GPR158: variants seen among roughly 807,000 people sequenced by gnomAD.
GPR158 encodes metabotropic glycine receptor.
A neutral mutation model predicts 78.2 loss-of-function variants in GPR158; 30 were observed. That is an observed-to-expected ratio of 0.38 (90% CI 0.29 to 0.52). The LOEUF is 0.52. Ranked by LOEUF, GPR158 falls within the 20% of genes least tolerant of loss-of-function variation. GPR158 has a pLI of 0.83. For missense variants in GPR158, 1,463 were observed against 1,523.5 expected (o/e 0.96, Z 0.66); for synonymous variants, 581 against 591.1 (o/e 0.98, Z 0.25).
chr10:25,586,105 T>C (rs1564498099), intron 7 of GPR158, among the ~76,000 whole-genome samples: 1 of 152,172 alleles, frequency 6.6e-6, no homozygotes, highest in Non-Finnish European at 1.5e-5. Context: ...GAAGTCATAT[T>C]GTAGAGGGCT....
chr10:25,214,778 C>A (rs1853183428), intron 1 of GPR158, among the ~76,000 whole-genome samples: 1 of 151,856 alleles, frequency 6.6e-6, no homozygotes. Flanking sequence ...AGAGGGAAGA[C>A]CATGTGAAGA....
chr10:25,298,486 A>T (rs549821166), intron 2 of GPR158, among the ~76,000 whole-genome samples: 10 of 152,314 alleles, frequency 6.6e-5, no homozygotes, highest in African/African-American at 2.4e-4. Flanking sequence ...ATTAATGCAT[A>T]TTTTAAATCA....
chr10:25,388,780 A>C (rs536559334), intron 2 of GPR158, among the ~76,000 whole-genome samples: 1 of 152,192 alleles, frequency 6.6e-6, no homozygotes, highest in East Asian at 1.9e-4. Flanking sequence ...GGCATTTTGC[A>C]CTCTTGGGGG....
intron 2 of GPR158, among the ~76,000 whole-genome samples, chr10:25,370,277 T>G (rs1833968210): frequency 6.7e-6 from 1 of 148,780 alleles, no homozygotes; most frequent in Admixed American, 6.8e-5. Flanking sequence ...CAATTATGGA[T>G]CTTTCCTGCT....
intron 2 of GPR158, chr10:25,244,536 T>G (rs766989605): frequency 2.0e-5 from 3 of 152,236 alleles, no homozygotes; most frequent in Non-Finnish European, 2.9e-5. Flanking sequence ...TAGAGGAATC[T>G]AGAAGTATCC....
intron 1 of GPR158, among the ~76,000 whole-genome samples, chr10:25,180,946 A>T (rs564348046): frequency 4.9e-4 from 75 of 152,290 alleles, no homozygotes; most frequent in Admixed American, 1.0e-3. Flanking sequence ...TTAGAAACTA[A>T]TGAACATTAG....
intron 4 of GPR158, among the ~76,000 whole-genome samples, chr10:25,419,402 G>A (rs1365976386): frequency 6.6e-6 from 1 of 152,034 alleles, no homozygotes; most frequent in Non-Finnish European, 1.5e-5. Context: ...ATCTGTTGAT[G>A]GCCATTTGAG....
intron 7 of GPR158, among the ~76,000 whole-genome samples, chr10:25,580,510 T>A (rs1837174334): frequency 6.6e-6 from 1 of 152,184 alleles, no homozygotes; most frequent in African/African-American, 2.4e-5. Context: ...TTTTAAGGAT[T>A]TAAATACTTA....
chr10:25,425,581 A>G (rs1194497131), intron 4 of GPR158, among the ~76,000 whole-genome samples: 1 of 152,078 alleles, frequency 6.6e-6, no homozygotes, highest in Non-Finnish European at 1.5e-5. Flanking sequence ...GCTCCTGTAG[A>G]GCAAAAGAAA....
chr10:25,332,866 T>G (rs1306065384), intron 2 of GPR158, among the ~76,000 whole-genome samples: 2 of 152,216 alleles, frequency 1.3e-5, no homozygotes, highest in African/African-American at 4.8e-5. Context: ...ATAAATGGCT[T>G]CAATATACTT....
rs894568466 is a variant in GPR158 at position 25,176,399 on chromosome 10, A to G, written c.902+77A>G. Reference sequence around the variant, plus strand: ...GGTCTTGTGGGTGGGTGCACGTGTGAGGAAGGAACCCTTGGCTGTGACGCG... The same window carrying G: ...GGTCTTGTGGGTGGGTGCACGTGTGGGGAAGGAACCCTTGGCTGTGACGCG... On this transcript the variant is annotated intron_variant, in intron 1 of 10. Coordinates refer to ENST00000376351, the MANE Select transcript of GPR158 (RefSeq NM_020752.3). This position sits in a 1 kb window ranked among gnomAD's most constrained non-coding sequence, Gnocchi z 6.3. The G allele has an allele frequency of 6.3e-6, 7 of 1,111,200 alleles. No individual in the cohort carries two copies. The Admixed American group carries it at 1.9e-4, about 30-fold the overall frequency. The allele number at this position is 1,111,200 out of a possible 1,614,324, so 68.8% of individuals were successfully genotyped here.
At chr10:25,572,489 C>T (rs1052340981) in intron 6 of GPR158, among the ~76,000 whole-genome samples, 160 bp from the exon 7 acceptor site, 3 of 152,060 alleles carry the variant, frequency 2.0e-5, no homozygotes, top group African/African-American at 7.2e-5. Flanking sequence ...GGCAACATAG[C>T]GAGACCCTGT....
At chr10:25,183,535 C>A (rs991452263) in intron 1 of GPR158, among the ~76,000 whole-genome samples, 8 of 152,130 alleles carry the variant, frequency 5.3e-5, no homozygotes, top group African/African-American at 1.7e-4. Context: ...TACAAGGTGG[C>A]AGCTTCTGTC....
At chr10:25,407,354 A>G (rs1834528211) in intron 3 of GPR158, among the ~76,000 whole-genome samples, 1 of 152,190 alleles carries the variant, frequency 6.6e-6, no homozygotes, top group African/African-American at 2.4e-5. Flanking sequence ...TGGCATTAAT[A>G]TTGGGGGGCC....
chr10:25,306,997 A>G (rs896516230), intron 2 of GPR158, among the ~76,000 whole-genome samples: 4 of 146,252 alleles, frequency 2.7e-5, no homozygotes, highest in Non-Finnish European at 4.5e-5. Flanking sequence ...ACACACACAC[A>G]CATACGCACA....
intron 2 of GPR158, among the ~76,000 whole-genome samples, chr10:25,356,290 T>G (rs1855550467): frequency 6.6e-6 from 1 of 152,090 alleles, no homozygotes; most frequent in Non-Finnish European, 1.5e-5. Flanking sequence ...TTGCTGATAA[T>G]AACCTCAGTG....
chr10:25,427,216 T>C (rs983408668), intron 4 of GPR158, among the ~76,000 whole-genome samples: 32 of 152,018 alleles, frequency 2.1e-4, no homozygotes, highest in Non-Finnish European at 7.4e-5. Context: ...GTGAAGGGTG[T>C]TGGGAGAAGG....
intron 2 of GPR158, chr10:25,243,944 C>G (rs1443219860): frequency 6.6e-6 from 1 of 152,068 alleles, no homozygotes; most frequent in East Asian, 1.9e-4. Context: ...CTAAGAGACT[C>G]TAGCTAAGTA....
chr10:25,547,197 T>C (rs1475693145), intron 5 of GPR158, among the ~76,000 whole-genome samples: 1 of 152,056 alleles, frequency 6.6e-6, no homozygotes, highest in East Asian at 1.9e-4. Flanking sequence ...CTTCAGTCTC[T>C]CCCCTTTCCA....
Sources: gnomAD v4.1 joint callset for allele counts (sites outside exome capture counted in the v4.1 genomes callset) on GRCh38, gnomAD v4.1.1 for gene constraint, Gnocchi (gnomAD v3.1) non-coding constraint, MANE v1.5 for transcripts, NCBI Gene and HGNC (gene_info 2026-07-23, HGNC 2026-07-21) for gene names.